SLC35F3: variants seen among roughly 807,000 people sequenced by gnomAD.
The protein encoded by SLC35F3 is putative thiamine transporter SLC35F3.
In SLC35F3, 25 loss-of-function variants were observed where a neutral mutation model predicts 49.9. The observed-to-expected ratio is 0.50, with a 90% confidence interval of 0.37 to 0.70. The LOEUF is 0.70. Ranked by LOEUF, SLC35F3 falls within the 30% of genes least tolerant of loss-of-function variation. The pLI is 0.00. For synonymous variants in SLC35F3, 275 were observed against 265.4 expected (o/e 1.04, Z -0.35); for missense variants, 525 against 639.8 (o/e 0.82, Z 1.94).
At chr1:234,293,828 T>C (rs892260202) in intron 3 of SLC35F3, among the ~76,000 whole-genome samples, 1 of 152,236 alleles carries the variant, frequency 6.6e-6, no homozygotes, top group African/African-American at 2.4e-5. Context: ...CCTTGAGATA[T>C]AACAACCTTT....
intron 2 of SLC35F3, among the ~76,000 whole-genome samples, chr1:233,972,103 T>C (rs139114467): frequency 5.5e-4 from 84 of 152,330 alleles, no homozygotes; most frequent in Middle Eastern, 6.8e-3. Flanking sequence ...AAAAGCTATT[T>C]GGCCATGACA....
chr1:234,162,090 C>T (rs1440027802), intron 2 of SLC35F3, among the ~76,000 whole-genome samples: 2 of 152,052 alleles, frequency 1.3e-5, no homozygotes, highest in Admixed American at 6.6e-5. Context: ...CAGCAGGGCT[C>T]GCCATTGCTG....
In SLC35F3 at chr1:234,164,312, T is replaced by G. The variant is rs571226574; in HGVS notation, c.284-67105T>G. 3.0e-4 allele frequency among the ~76,000 whole-genome samples: 45 copies of G among 150,320 alleles called. 1 individual carries two copies. The highest frequency in any genetic ancestry group is 4.6e-4 in the Non-Finnish European group (31 of 67,516). ...TCTCCCTCTTTCTCTTTCCCTCTCT[T>G]TCTCTCTCCCTATCTCTCTCCGTCT... On this transcript the variant is annotated intron_variant, in intron 2 of 7. Coordinates refer to ENST00000366618, the MANE Select transcript of SLC35F3 (RefSeq NM_173508.4).
At position 234,107,716 on chromosome 1, in the gene SLC35F3, G is replaced by C. The variant is rs895820128; in HGVS notation, c.284-123701G>C. The stretch of plus-strand genomic sequence containing the variant: ...CATTTATCTACATTCTCTGAGCCTT[G>C]GTTTCCTCAGCTATAAAAGAAGTTT... On this transcript the variant is annotated intron_variant, in intron 2 of 7. Coordinates refer to ENST00000366618, the MANE Select transcript of SLC35F3 (RefSeq NM_173508.4). Among the ~76,000 whole-genome samples, 2 of 152,048 alleles carry C rather than the reference G, an allele frequency of 1.3e-5. 1 individual carries two copies. The highest frequency in any genetic ancestry group is 4.2e-4 in the South Asian group (2 of 4,818).
At chr1:234,193,476 G>C (rs1666760436) in intron 2 of SLC35F3, among the ~76,000 whole-genome samples, 1 of 152,116 alleles carries the variant, frequency 6.6e-6, no homozygotes, top group Non-Finnish European at 1.5e-5. Context: ...TCAAAGATCT[G>C]AAACTATAAA....
At chr1:233,947,909 C>T in intron 2 of SLC35F3, among the ~76,000 whole-genome samples, 1 of 150,102 alleles carries the variant, frequency 6.7e-6, no homozygotes, top group Admixed American at 6.6e-5. Flanking sequence ...CCTGCTGGGA[C>T]TCCCAGGAGG....
rs748495272 is a variant in SLC35F3, at chr1:233,905,104, C to T, written c.27C>T (p.Gly9=). Residue 9 remains glycine, a synonymous_variant, in exon 1 of 8, where the codon GGC becomes GGT. Coordinates refer to ENST00000366618, the MANE Select transcript of SLC35F3 (RefSeq NM_173508.4). Reference sequence around the variant, plus strand: ...TGGGGATTCGAGAGTTTCCCAGCGGCGCACCCAGGGGCAAGAGCATTGCCG... The same window carrying T: ...TGGGGATTCGAGAGTTTCCCAGCGGTGCACCCAGGGGCAAGAGCATTGCCG... MGIREFPS[G]APRGKSIAVG... 1.8e-5 allele frequency: 28 copies of T among 1,562,912 alleles called. No homozygotes were observed. The highest frequency in any genetic ancestry group is 6.1e-6 in the Non-Finnish European group (7 of 1,152,556).
At chr1:234,063,159 G>T (rs1026693420) in intron 2 of SLC35F3, among the ~76,000 whole-genome samples, 2 of 152,112 alleles carry the variant, frequency 1.3e-5, no homozygotes, top group African/African-American at 2.4e-5. Flanking sequence ...ACCAAATTGA[G>T]GGTTGGGCTG....
At chr1:234,182,433 T>C (rs2102924304) in intron 2 of SLC35F3, among the ~76,000 whole-genome samples, 1 of 152,370 alleles carries the variant, frequency 6.6e-6, no homozygotes, top group Non-Finnish European at 1.5e-5. Flanking sequence ...GAGACCCTGA[T>C]CTGGGCTCTA....
chr1:234,029,835 C>G (rs909736159), intron 2 of SLC35F3, among the ~76,000 whole-genome samples: 1 of 151,970 alleles, frequency 6.6e-6, no homozygotes, highest in African/African-American at 2.4e-5. Context: ...GCACTCCAGC[C>G]TGGGCAATAG....
intron 2 of SLC35F3, among the ~76,000 whole-genome samples, chr1:234,067,636 A>G (rs1664641526): frequency 6.6e-6 from 1 of 152,190 alleles, no homozygotes; most frequent in Non-Finnish European, 1.5e-5. Flanking sequence ...GTCCTCCTGG[A>G]GGATAAGAAA....
intron 2 of SLC35F3, among the ~76,000 whole-genome samples, chr1:233,996,838 T>A (rs1663469019): frequency 6.6e-6 from 1 of 152,164 alleles, no homozygotes. Context: ...AAGTTCGACT[T>A]GGTTCAGAGG....
chr1:234,242,102 C>T (rs1222875160), intron 3 of SLC35F3, among the ~76,000 whole-genome samples: 1 of 152,222 alleles, frequency 6.6e-6, no homozygotes, highest in Non-Finnish European at 1.5e-5. Context: ...GAACAGGAAT[C>T]GTGGGAAATT....
chr1:234,008,329 T>C (rs116748536), intron 2 of SLC35F3, among the ~76,000 whole-genome samples: 5,964 of 152,298 alleles, frequency 0.039, 219 homozygotes, highest in African/African-American at 0.097. Flanking sequence ...TACTTGCTTA[T>C]GATGCACCAT....
intron 2 of SLC35F3, among the ~76,000 whole-genome samples, chr1:234,066,464 T>A (rs1327654027): frequency 6.6e-6 from 1 of 152,136 alleles, no homozygotes; most frequent in African/African-American, 2.4e-5. Flanking sequence ...AACTCCAGGC[T>A]GCAGCGGTGA....
In SLC35F3 at chr1:234,214,244, G is replaced by A; in HGVS notation, c.284-17173G>A. Reference sequence around the variant, plus strand: ...GGAGTTTGCAGCAACCTCCAAGTAGGAGGCTGTGCGCGCGTGTGTGTGGAG... The same window carrying A: ...GGAGTTTGCAGCAACCTCCAAGTAGAAGGCTGTGCGCGCGTGTGTGTGGAG... On this transcript the variant is annotated intron_variant, in intron 2 of 7. Coordinates refer to ENST00000366618, the MANE Select transcript of SLC35F3 (RefSeq NM_173508.4). The surrounding 1 kb of genome is among the most constrained non-coding windows in gnomAD (Gnocchi z 8.0). The A allele has an allele frequency of 8.1e-7, 1 of 1,238,442 alleles. No individual in the cohort carries two copies. Among genetic ancestry groups the A allele is most frequent in the Non-Finnish European group, 1.0e-6 (1 of 991,846 alleles). The allele number at this position is 1,238,442 out of a possible 1,614,324, so 76.7% of individuals were successfully genotyped here.
intron 2 of SLC35F3, among the ~76,000 whole-genome samples, chr1:234,141,304 A>G (rs372063530): frequency 2.0e-5 from 3 of 152,254 alleles, no homozygotes; most frequent in Non-Finnish European, 2.9e-5. Flanking sequence ...CCAGCTCTAC[A>G]TGGTGCATGT....
chr1:233,921,418 AC>A (rs1318054888), intron 2 of SLC35F3, among the ~76,000 whole-genome samples: 2 of 152,242 alleles, frequency 1.3e-5, no homozygotes, highest in East Asian at 3.9e-4. Context: ...CATAGTTTAC[AC>A]CAGGGCTCAC....
At chr1:234,282,452 C>T (rs1439802896) in intron 3 of SLC35F3, among the ~76,000 whole-genome samples, 1 of 152,232 alleles carries the variant, frequency 6.6e-6, no homozygotes, top group East Asian at 1.9e-4. Context: ...CAGTCCAGAG[C>T]AGGGCCTTCC....
Sources: allele counts gnomAD v4.1 joint callset (sites outside exome capture counted in the v4.1 genomes callset), GRCh38; gene constraint gnomAD v4.1.1; non-coding constraint Gnocchi (gnomAD v3.1); transcripts MANE v1.5; gene names NCBI Gene and HGNC (gene_info 2026-07-23, HGNC 2026-07-21).